Variants in EYA3 observed in about 807,000 individuals in gnomAD.
EYA3 encodes the protein protein phosphatase EYA3.
EYA3 carries 39 observed loss-of-function variants against 80.0 expected under a neutral mutation model. The observed-to-expected ratio is 0.49, with a 90% CI of 0.38 to 0.64. The LOEUF is 0.64. Ranked by LOEUF, EYA3 falls within the 30% of genes least tolerant of loss-of-function variation. EYA3 has a pLI of 0.00. For missense variants in EYA3, 523 were observed against 676.1 expected, an observed-to-expected ratio of 0.77 and a Z score of 2.51; for synonymous variants, 206 against 232.8, an observed-to-expected ratio of 0.88 and a Z score of 1.05.
At chr1:28,047,692 G>A (rs1644071352) in intron 3 of EYA3, among the ~76,000 whole-genome samples, 1 of 148,574 alleles carries the variant, frequency 6.7e-6, no homozygotes, top group African/African-American at 2.5e-5. Flanking sequence ...AGGCTGGAGT[G>A]CAGTGGCGCG....
At position 28,017,256 on chromosome 1, in the gene EYA3, G is replaced by A; in HGVS notation, c.500-17C>T. ...TGCTTGAAGCTAGAGGATTGATGGGGTTAAAAGATATTAAAGATATTATGT... is the reference window on the plus strand; with the variant it reads ...TGCTTGAAGCTAGAGGATTGATGGGATTAAAAGATATTAAAGATATTATGT... On this transcript the variant is annotated splice_polypyrimidine_tract_variant and intron_variant, in intron 7 of 17. Coordinates refer to ENST00000373871, the MANE Select transcript of EYA3 (RefSeq NM_001990.4). 1 of 1,575,082 alleles carries A rather than the reference G, an allele frequency of 6.3e-7. No individual in the cohort carries two copies. The highest frequency in any genetic ancestry group is 8.7e-7 in the Non-Finnish European group (1 of 1,145,144).
intron 17 of EYA3, chr1:27,977,539 T>C (rs1039397739): frequency 1.9e-5 from 16 of 835,664 alleles, no homozygotes; most frequent in African/African-American, 1.9e-4. Context: ...CTTTCATCTA[T>C]TGTTTCCTAT....
intron 13 of EYA3, among the ~76,000 whole-genome samples, chr1:27,995,460 G>A (rs890417930): frequency 1.1e-4 from 17 of 151,486 alleles, no homozygotes; most frequent in Non-Finnish European, 2.1e-4. Flanking sequence ...GTACAAGCTG[G>A]GTGTAGTTGC....
intron 13 of EYA3, among the ~76,000 whole-genome samples, chr1:27,995,366 T>A: frequency 7.3e-6 from 1 of 136,630 alleles, no homozygotes; most frequent in Non-Finnish European, 1.5e-5. Flanking sequence ...AAGCCATATA[T>A]GATCACAACA....
intron 14 of EYA3, among the ~76,000 whole-genome samples, chr1:27,991,125 A>G (rs1163524540): frequency 6.6e-6 from 1 of 152,218 alleles, no homozygotes; most frequent in Admixed American, 6.5e-5. Context: ...AGAACATGAC[A>G]TCAAGAACCA....
intron 2 of EYA3, among the ~76,000 whole-genome samples, chr1:28,054,015 T>C (rs1170408728): frequency 6.6e-6 from 1 of 152,182 alleles, no homozygotes; most frequent in Admixed American, 6.5e-5. Context: ...TCATGGAGAC[T>C]ATAAAAAGGA....
At chr1:27,979,422 T>G (rs1055315056) in intron 16 of EYA3, among the ~76,000 whole-genome samples, 2 of 152,150 alleles carry the variant, frequency 1.3e-5, no homozygotes, top group African/African-American at 4.8e-5. Context: ...TACCTTGTAG[T>G]TGTAACCAAG....
intron 10 of EYA3, among the ~76,000 whole-genome samples, chr1:28,010,626 C>A (rs1204302946): frequency 6.6e-6 from 1 of 152,182 alleles, no homozygotes; most frequent in Non-Finnish European, 1.5e-5. Context: ...CCGCTTCAGC[C>A]TCCCAAAGTG....
At chr1:28,014,637 A>G (rs987706361) in intron 8 of EYA3, among the ~76,000 whole-genome samples, 4 of 151,790 alleles carry the variant, frequency 2.6e-5, no homozygotes, top group African/African-American at 9.7e-5. Flanking sequence ...ATGAGGCAGG[A>G]GAATCGCTTG....
intron 1 of EYA3, among the ~76,000 whole-genome samples, chr1:28,067,055 T>TA (rs1190277928): frequency 6.6e-6 from 1 of 152,316 alleles, no homozygotes; most frequent in East Asian, 1.9e-4. Context: ...TATGAGAAGA[T>TA]AAAGACATAT....
rs762081762 is a variant in EYA3 at position 27,993,507 on chromosome 1, T to C, written c.1196A>G (p.His399Arg). ...GFSGSGGSGS[H>R]GSSVGVQGGV... ...TCCCTGAACACCCACAGATGAACCA[T>C]GGCTGCCACTACCTCCTGAGCCACT... Residue 399 changes from histidine to arginine, a missense_variant, in exon 14 of 18, where the codon CAT becomes CGT. This residue lies in a region of EYA3 where 219 missense variants were observed against 332.8 expected (regional missense o/e 0.66). Transcript: ENST00000373871. 3.1e-6 allele frequency: 5 copies of C among 1,612,640 alleles called. No individual in the cohort carries two copies. The highest frequency in any genetic ancestry group is 1.7e-5 in the Admixed American group (1 of 59,512).
intron 1 of EYA3, among the ~76,000 whole-genome samples, chr1:28,074,770 T>C (rs997854958): frequency 1.5e-4 from 23 of 152,282 alleles, no homozygotes; most frequent in African/African-American, 5.5e-4. Flanking sequence ...GTAATAACAG[T>C]CTCTTGAAAA....
chr1:28,022,058 C>T (rs983518343), intron 7 of EYA3, among the ~76,000 whole-genome samples: 12 of 152,142 alleles, frequency 7.9e-5, no homozygotes, highest in African/African-American at 2.9e-4. Context: ...TTCACTTAAT[C>T]CTTTATCAAA....
intron 6 of EYA3, among the ~76,000 whole-genome samples, chr1:28,030,560 T>G (rs745525874): frequency 1.3e-5 from 2 of 152,226 alleles, no homozygotes; most frequent in Non-Finnish European, 2.9e-5. Context: ...GTGCTGGGAT[T>G]ATAGGTATGG....
chr1:28,055,438 C>T (rs1212842349), intron 2 of EYA3, among the ~76,000 whole-genome samples: 3 of 147,636 alleles, frequency 2.0e-5, no homozygotes, highest in Non-Finnish European at 3.0e-5. Context: ...AAATTTATTG[C>T]ATTGTGAGTT....
chr1:28,021,546 T>C (rs1571823423), intron 7 of EYA3, among the ~76,000 whole-genome samples: 1 of 152,148 alleles, frequency 6.6e-6, no homozygotes, highest in South Asian at 2.1e-4. Context: ...GGTCAATAAA[T>C]ATTTGTGGGA....
At chr1:28,048,178 T>A (rs1212291638) in intron 3 of EYA3, among the ~76,000 whole-genome samples, 2 of 152,154 alleles carry the variant, frequency 1.3e-5, no homozygotes, top group East Asian at 3.8e-4. Context: ...AAATAATGAA[T>A]GCATAAGAAC....
Position 28,017,184 on chromosome 1 carries a change from T to G in EYA3, c.555A>C (p.Pro185=). 1 of 1,613,944 alleles carries G rather than the reference T, an allele frequency of 6.2e-7. No individual in the cohort carries two copies. Among genetic ancestry groups the G allele is most frequent in the East Asian group, 2.2e-5 (1 of 44,868 alleles). The change falls in exon 8 of 18, where the codon CCA becomes CCC. Residue 185 remains proline (P), a synonymous_variant. Transcript: ENST00000373871. ...ISTSSTIANI[P]AAAVASISNQ... is the part of the protein sequence containing the mutation. ...TTGAGATGCTGGCTACTGCTGCTGC[T>G]GGAATATTGGCAATTGTAGAAGAAG...
At chr1:28,067,796 G>C (rs1644885206) in intron 1 of EYA3, among the ~76,000 whole-genome samples, 4 of 152,210 alleles carry the variant, frequency 2.6e-5, no homozygotes, top group Middle Eastern at 3.4e-3. Flanking sequence ...CTTCACATTT[G>C]GTTTCACTCT....
Sources: gnomAD v4.1 joint callset for allele counts (sites outside exome capture counted in the v4.1 genomes callset) on GRCh38, gnomAD v4.1.1 for gene constraint, gnomAD v4.1.1 regional missense constraint, MANE v1.5 for transcripts, NCBI Gene and HGNC (gene_info 2026-07-23, HGNC 2026-07-21) for gene names.